ZNF134: variants seen among roughly 807,000 people sequenced by gnomAD.
ZNF134 encodes the protein zinc finger protein 134.
Under a neutral mutation model 2.5 loss-of-function variants are expected in ZNF134, and 5 were observed. That is an observed-to-expected ratio of 2.03 (90% CI 1.06 to 4.27). The LOEUF is 4.27. Ranked by LOEUF, ZNF134 falls within the 30% of genes most tolerant of loss-of-function variation. ZNF134 has a pLI of 0.00. For synonymous variants in ZNF134, 176 were observed against 176.2 expected (o/e 1.00, Z 0.01); for missense variants, 540 against 517.5 (o/e 1.04, Z -0.42).
intron 2 of ZNF134, among the ~76,000 whole-genome samples, chr19:57,619,851 A>G (rs1172493888): frequency 6.6e-6 from 1 of 152,198 alleles, no homozygotes; most frequent in Non-Finnish European, 1.5e-5. Context: ...GCCTGTACTC[A>G]CATTTCGCAT....
In ZNF134 at chr19:57,624,063, G is replaced by C. The variant is rs1328204312; in HGVS notation, c.*2660G>C. 2.0e-5 allele frequency: 3 copies of C among 152,220 alleles called. No homozygotes were observed. The highest frequency in any genetic ancestry group is 7.2e-5 in the African/African-American group (3 of 41,446). The allele number at this position is 152,220 out of a possible 1,614,324, so 9.4% of individuals were successfully genotyped here. ...TTCATGAGAAAGGAAGGATGACTCA[G>C]AGCAGAGGAGAGTCCAGTGGGCAGA... On this transcript the variant is annotated 3_prime_UTR_variant, in exon 3 of 3. Coordinates refer to ENST00000396161, the MANE Select transcript of ZNF134 (RefSeq NM_003435.5).
Position 57,620,738 on chromosome 19 carries a change from A to C in ZNF134, c.619A>C (p.Ser207Arg), listed in dbSNP as rs34034473. The change falls in exon 3 of 3, where the codon AGC becomes CGC. Residue 207 changes from serine (S) to arginine (R), a missense_variant. Physicochemically the swap from Ser to Arg is moderately radical, Grantham distance 110. Coordinates refer to ENST00000396161, the MANE Select transcript of ZNF134 (RefSeq NM_003435.5). ...IHSGEKPYEC[S>R]ECGKAFSRKA... ...TAGTGGAGAGAAGCCTTATGAGTGC[A>C]GCGAATGTGGGAAAGCCTTCAGCCG... The C allele has an allele frequency of 0.086, 139,361 of 1,614,130 alleles. 6,513 individuals carry two copies. Among genetic ancestry groups the C allele is most frequent in the East Asian group, 0.1 (4,657 of 44,882 alleles).
In ZNF134 at chr19:57,614,292, G is replaced by A. The variant is rs1169984060; in HGVS notation, c.-269G>A. 1 of 451,146 alleles carries A rather than the reference G, an allele frequency of 2.2e-6. No individual in the cohort carries two copies. Among genetic ancestry groups the A allele is most frequent in the East Asian group, 7.3e-5 (1 of 13,740 alleles). The allele number at this position is 451,146 out of a possible 1,614,324, so 27.9% of individuals were successfully genotyped here. A position where few individuals can be genotyped will look rare whatever the true frequency, so the allele number is the denominator to read the frequency against. ...GGTGGAACCATCGGAGCAGAAGCTC[G>A]GGGTTGCTGGGCGGTTCCGAGGTGA... On this transcript the variant is annotated 5_prime_UTR_variant, in exon 1 of 3. Transcript: ENST00000396161.
rs993190432 is a variant in ZNF134 at position 57,623,434 on chromosome 19, T to G, written c.*2031T>G. 2 of 152,124 alleles carry G rather than the reference T, an allele frequency of 1.3e-5. No individual in the cohort carries two copies. Among genetic ancestry groups the G allele is most frequent in the Non-Finnish European group, 2.9e-5 (2 of 68,034 alleles). 9.4% of individuals were successfully genotyped at this position (152,124 alleles called of 1,614,324 possible). A position where few individuals can be genotyped will look rare whatever the true frequency, so the allele number is the denominator to read the frequency against. ...GAGGTTTTGAAGGTGTGACCATATA[T>G]CTTACTAATTATAGTAAAATATATT... On this transcript the variant is annotated 3_prime_UTR_variant, in exon 3 of 3. Coordinates refer to ENST00000396161, the MANE Select transcript of ZNF134 (RefSeq NM_003435.5).
chr19:57,620,296 GAAAGAT>G lies in ZNF134; in HGVS notation c.179_184del (p.Lys60_Asp61del). 6.2e-7 allele frequency: 1 copy of G among 1,614,196 alleles called. No homozygotes were observed. The highest frequency in any genetic ancestry group is 8.5e-7 in the Non-Finnish European group (1 of 1,180,040). On this transcript the variant is annotated inframe_deletion, in exon 3 of 3. Transcript: ENST00000396161. ...CTTGTGACATATGTGGCCCCATCTT[GAAAGAT>G]ATTTTGCACCTGGATGAACACCAGG...
At position 57,621,004 on chromosome 19, in the gene ZNF134, A is replaced by G. The variant is rs765606202; in HGVS notation, c.885A>G (p.Lys295=). ...CTTATAAGTGCAGTGATTGTGGGAA[A>G]GTCTTCAGACACAAATCTACACTTG... ...ARPYKCSDCG[K]VFRHKSTLVQ... The change falls in exon 3 of 3, where the codon AAA becomes AAG. Residue 295 remains lysine (K), a synonymous_variant. Transcript: ENST00000396161. 3 of 1,614,076 alleles carry G rather than the reference A, an allele frequency of 1.9e-6. No individual in the cohort carries two copies. Among genetic ancestry groups the G allele is most frequent in the African/African-American group, 1.3e-5 (1 of 74,992 alleles).
chr19:57,620,807 A>T lies in ZNF134; in HGVS notation c.688A>T (p.Arg230Trp). 6.2e-7 allele frequency: 1 copy of T among 1,614,226 alleles called. No homozygotes were observed. The highest frequency in any genetic ancestry group is 8.5e-7 in the Non-Finnish European group (1 of 1,180,032). The change falls in exon 3 of 3, where the codon AGG becomes TGG. Residue 230 changes from arginine to tryptophan, a missense_variant. Arg to Trp is a moderately radical substitution (Grantham distance 101). Coordinates refer to ENST00000396161, the MANE Select transcript of ZNF134 (RefSeq NM_003435.5). Reference protein sequence around the residue: ...VQHQRIHTGERPYECSECGKT... With the variant: ...VQHQRIHTGEWPYECSECGKT... The stretch of plus-strand genomic sequence containing the variant: ...GCATCAGAGAATCCATACTGGAGAA[A>T]GGCCTTATGAATGCAGCGAATGTGG...
intron 1 of ZNF134, 68 bp downstream of exon 1, chr19:57,614,571 C>G (rs886129341): frequency 2.3e-5 from 8 of 343,332 alleles, no homozygotes; most frequent in Non-Finnish European, 4.6e-5. Flanking sequence ...GAGCGCCTGT[C>G]TGAGTCCCTG....
chr19:57,615,992 G>GAGAGAT (rs1184816271), intron 1 of ZNF134, among the ~76,000 whole-genome samples: 1 of 152,214 alleles, frequency 6.6e-6, no homozygotes, highest in African/African-American at 2.4e-5. Flanking sequence ...TCAGCAAGAG[G>GAGAGAT]AGAGGGCTGT....
intron 1 of ZNF134, among the ~76,000 whole-genome samples, chr19:57,618,504 G>T (rs1445769748): frequency 6.6e-6 from 1 of 152,202 alleles, no homozygotes; most frequent in Non-Finnish European, 1.5e-5. Flanking sequence ...TCAGGTTTGT[G>T]TATGAGGAAT....
Position 57,621,549 on chromosome 19 carries a change from G to T in ZNF134, c.*146G>T. On this transcript the variant is annotated 3_prime_UTR_variant, in exon 3 of 3. Coordinates refer to ENST00000396161, the MANE Select transcript of ZNF134 (RefSeq NM_003435.5). ...ACTTTCTGACTTGCTCAGGTTTTTT[G>T]CCAGAGTTATGTCACTGTCAATCCA... The T allele has an allele frequency of 1.5e-6, 2 of 1,291,610 alleles. No homozygotes were observed. Among genetic ancestry groups the T allele is most frequent in the Non-Finnish European group, 2.2e-6 (2 of 900,524 alleles). The allele number at this position is 1,291,610 out of a possible 1,614,324, so 80.0% of individuals were successfully genotyped here. A position where few individuals can be genotyped will look rare whatever the true frequency, so the allele number is the denominator to read the frequency against.
rs1981163090 is a variant in ZNF134, at chr19:57,620,261, A to G, written c.142A>G (p.Thr48Ala). 1 of 1,614,074 alleles carries G rather than the reference A, an allele frequency of 6.2e-7. No individual in the cohort carries two copies. The highest frequency in any genetic ancestry group is 1.3e-5 in the African/African-American group (1 of 74,938). ...TTCCAAGGCAGGTTTGCCCGCACAG[A>G]CGGCTCTCCCTTGTGACATATGTGG... ...NTSKAGLPAQ[T>A]ALPCDICGPI... The change falls in exon 3 of 3, where the codon ACG (threonine) becomes GCG (alanine). Residue 48 changes from threonine (T) to alanine (A), a missense_variant. By Grantham distance (58) the Thr-to-Ala change is moderately conservative. Transcript: ENST00000396161.
chr19:57,616,878 G>A (rs1981065029), intron 1 of ZNF134, among the ~76,000 whole-genome samples: 2 of 152,092 alleles, frequency 1.3e-5, no homozygotes, highest in Non-Finnish European at 2.9e-5. Flanking sequence ...ATAGTGTTCT[G>A]GGACTCTTCA....
chr19:57,617,600 A>G (rs1304508635), intron 1 of ZNF134, among the ~76,000 whole-genome samples: 1 of 152,178 alleles, frequency 6.6e-6, no homozygotes, highest in Non-Finnish European at 1.5e-5. Context: ...TGGAGGTGTC[A>G]AGTAGACAGC....
chr19:57,621,159 T>C lies in ZNF134; in HGVS notation c.1040T>C (p.Ile347Thr), dbSNP rs1346445393. 1.2e-6 allele frequency: 2 copies of C among 1,614,240 alleles called. No individual in the cohort carries two copies. The highest frequency in any genetic ancestry group is 1.6e-4 in the Middle Eastern group (1 of 6,062). ...IHTESKPFEC[I>T]ECGKFFSRSS... Reference sequence around the variant, plus strand: ...ACTGAGTCAAAGCCGTTTGAGTGCATTGAATGCGGGAAATTCTTTAGTCGA... The same window carrying C: ...ACTGAGTCAAAGCCGTTTGAGTGCACTGAATGCGGGAAATTCTTTAGTCGA... Residue 347 changes from isoleucine to threonine, a missense_variant, in exon 3 of 3, where the codon ATT becomes ACT. Transcript: ENST00000396161.
chr19:57,620,052 C>T (rs1009595850), intron 2 of ZNF134, 108 bp from the exon 3 acceptor site: 1 of 1,314,600 alleles, frequency 7.6e-7, no homozygotes, highest in African/African-American at 1.5e-5. Flanking sequence ...TCTGTTCCAC[C>T]AGGAAACTTA....
In ZNF134 at chr19:57,621,658, GA is replaced by G; in HGVS notation, c.*259del. Reference sequence around the variant, plus strand: ...GGTTTTGTATTGTCCAGTCCCTGGAGAAAATCATGAAATGCCTGAGTTCATT... The same window carrying G: ...GGTTTTGTATTGTCCAGTCCCTGGAGAAATCATGAAATGCCTGAGTTCATT... On this transcript the variant is annotated 3_prime_UTR_variant, in exon 3 of 3. Coordinates refer to ENST00000396161, the MANE Select transcript of ZNF134 (RefSeq NM_003435.5). 2 of 640,932 alleles carry G rather than the reference GA, an allele frequency of 3.1e-6. No individual in the cohort carries two copies. The highest frequency in any genetic ancestry group is 5.7e-6 in the Non-Finnish European group (2 of 350,962). 39.7% of individuals were successfully genotyped at this position (640,932 alleles called of 1,614,324 possible).
chr19:57,619,309 T>C, intron 1 of ZNF134, 103 bp from the exon 2 acceptor site: 1 of 914,662 alleles, frequency 1.1e-6, no homozygotes. Flanking sequence ...TTTTCTGAGG[T>C]TCATTTTGTA....
intron 1 of ZNF134, 129 bp downstream of exon 1, chr19:57,614,632 A>T: frequency 3.1e-6 from 1 of 319,796 alleles, no homozygotes; most frequent in South Asian, 2.3e-5. Context: ...GGTGGGGGCG[A>T]GTGTGACTGG....
Sources: gnomAD v4.1 joint callset for allele counts (sites outside exome capture counted in the v4.1 genomes callset) on GRCh38, gnomAD v4.1.1 for gene constraint, MANE v1.5 for transcripts, NCBI Gene and HGNC (gene_info 2026-07-23, HGNC 2026-07-21) for gene names.